COL19A1: variants seen among roughly 807,000 people sequenced by gnomAD.
COL19A1 encodes the protein collagen type XIX alpha 1 chain, also known as collagen alpha-1(XIX) chain.
A neutral mutation model predicts 190.2 loss-of-function variants in COL19A1; 159 were observed. The ratio of observed to expected loss-of-function variants is 0.84; its 90% CI spans 0.73 to 0.95. The LOEUF (loss-of-function observed/expected upper bound fraction) is 0.95, where lower values mean the gene tolerates loss of function less well. Among genes scored for constraint, COL19A1 ranks in the 40% least tolerant of loss-of-function variants. COL19A1 has a pLI of 0.00. For synonymous variants in COL19A1, 509 were observed against 458.9 expected (o/e 1.11, Z -1.39); for missense variants, 1,418 against 1,431.9 (o/e 0.99, Z 0.16).
chr6:69,874,759 T>TA (rs554360128), intron 1 of COL19A1, among the ~76,000 whole-genome samples: 182 of 145,776 alleles, frequency 1.2e-3, no homozygotes, highest in African/African-American at 2.6e-3. Flanking sequence ...TCAAAAAAAA[T>TA]AAAAAAAAAA....
chr6:69,951,341 CAG>C (rs1774113319), intron 9 of COL19A1, among the ~76,000 whole-genome samples: 3 of 151,844 alleles, frequency 2.0e-5, no homozygotes, highest in Admixed American at 2.0e-4. Context: ...ATAAAAGTGT[CAG>C]CACCTGGTAT....
intron 12 of COL19A1, among the ~76,000 whole-genome samples, chr6:70,025,690 T>C (rs765700123): frequency 2.0e-5 from 3 of 152,262 alleles, no homozygotes; most frequent in Non-Finnish European, 4.4e-5. Flanking sequence ...GCAAAGACCA[T>C]GTGTTGGAAT....
Position 70,146,831 on chromosome 6 carries a change from G to A in COL19A1, c.1835G>A (p.Gly612Asp). The A allele has an allele frequency of 6.3e-7, 1 of 1,598,542 alleles. No homozygotes were observed. The highest frequency in any genetic ancestry group is 1.1e-5 in the South Asian group (1 of 87,992). The change falls in exon 27 of 51, where the codon GGT becomes GAT. Residue 612 changes from glycine (G) to aspartate (D), a missense_variant. Physicochemically the swap from Gly to Asp is moderately conservative, Grantham distance 94. Coordinates refer to ENST00000620364, the MANE Select transcript of COL19A1 (RefSeq NM_001858.6). ...RGPKGERGLP[G>D]VHGSPGDIGP... is the part of the protein sequence containing the mutation. The stretch of plus-strand genomic sequence containing the variant: ...TCACAGGGTGAAAGAGGACTTCCAG[G>A]TGTTCACGGTTCCCCAGGGGACATA...
At chr6:70,141,789 C>A (rs1786267823) in intron 20 of COL19A1, 104 bp from the exon 21 acceptor site, 2 of 753,458 alleles carry the variant, frequency 2.7e-6, no homozygotes, top group Non-Finnish European at 4.4e-6. Flanking sequence ...CATAATTTCC[C>A]TTTTTATTGT....
chr6:69,994,118 G>C (rs1051749033), intron 11 of COL19A1, among the ~76,000 whole-genome samples: 1 of 151,848 alleles, frequency 6.6e-6, no homozygotes, highest in Non-Finnish European at 1.5e-5. Context: ...CTTTACAAAA[G>C]TAAATAACAT....
In COL19A1 at chr6:70,003,143, A is replaced by G. The variant is rs113801719; in HGVS notation, c.1027-20484A>G. Among the ~76,000 whole-genome samples the G allele has an allele frequency of 5.1e-3, 781 of 152,328 alleles. 10 individuals are homozygous for G. The highest frequency in any genetic ancestry group is 0.018 in the African/African-American group (736 of 41,576). On this transcript the variant is annotated intron_variant, in intron 11 of 50. Coordinates refer to ENST00000620364, the MANE Select transcript of COL19A1 (RefSeq NM_001858.6). Reference sequence around the variant, plus strand: ...TCTGCCTTAATTTCATTATTTACCCAGAAGTCATTCAGAGGAGGTTGTTCA... The same window carrying G: ...TCTGCCTTAATTTCATTATTTACCCGGAAGTCATTCAGAGGAGGTTGTTCA...
chr6:70,168,622 T>C (rs1448468735), intron 39 of COL19A1, 33 bp from the exon 40 acceptor site: 3 of 1,609,958 alleles, frequency 1.9e-6, no homozygotes, highest in Middle Eastern at 1.6e-4. Flanking sequence ...TTGGTCATTA[T>C]TTGAAAAATG....
At chr6:69,946,189 A>G (rs1047941920) in intron 9 of COL19A1, among the ~76,000 whole-genome samples, 1 of 152,044 alleles carries the variant, frequency 6.6e-6, no homozygotes, top group African/African-American at 2.4e-5. Context: ...CATTTATCAT[A>G]TTAATTGAAG....
intron 27 of COL19A1, among the ~76,000 whole-genome samples, chr6:70,149,282 A>G (rs1376590695): frequency 6.6e-6 from 1 of 152,074 alleles, no homozygotes; most frequent in Non-Finnish European, 1.5e-5. Context: ...TTAGTGTTTT[A>G]CCTCCTACTC....
intron 9 of COL19A1, among the ~76,000 whole-genome samples, chr6:69,950,813 C>T (rs906524148): frequency 6.6e-6 from 1 of 151,590 alleles, no homozygotes; most frequent in African/African-American, 2.4e-5. Flanking sequence ...CCAAATATAA[C>T]ACTCAAATCA....
chr6:70,018,103 A>C (rs1778218588), intron 11 of COL19A1, among the ~76,000 whole-genome samples: 1 of 152,162 alleles, frequency 6.6e-6, no homozygotes, highest in South Asian at 2.1e-4. Flanking sequence ...AAAAGGCTGA[A>C]GATTCAGAAG....
chr6:70,054,952 G>A (rs968429787), intron 14 of COL19A1, among the ~76,000 whole-genome samples: 1 of 151,976 alleles, frequency 6.6e-6, no homozygotes, highest in Non-Finnish European at 1.5e-5. Context: ...CTCCTATATA[G>A]GGGAAAAAAT....
intron 11 of COL19A1, among the ~76,000 whole-genome samples, chr6:69,993,962 CT>C (rs1231686427): frequency 6.6e-6 from 1 of 151,388 alleles, no homozygotes; most frequent in Non-Finnish European, 1.5e-5. Flanking sequence ...TTTAGTTCAT[CT>C]CTTATTTTGG....
At chr6:69,966,994 G>A (rs1775150865) in intron 11 of COL19A1, among the ~76,000 whole-genome samples, 1 of 152,158 alleles carries the variant, frequency 6.6e-6, no homozygotes, top group Non-Finnish European at 1.5e-5. Flanking sequence ...TTCAAATCAT[G>A]TAATTTAGTT....
At position 70,021,760 on chromosome 6, in the gene COL19A1, G is replaced by A. The variant is rs555757488; in HGVS notation, c.1027-1867G>A. On this transcript the variant is annotated intron_variant, in intron 11 of 50. Coordinates refer to ENST00000620364, the MANE Select transcript of COL19A1 (RefSeq NM_001858.6). ...GGTTGAGCACTTGAAATGTAGCTAGGGCAACTGAACTGAGGAACTGAATTT... is the reference window on the plus strand; with the variant it reads ...GGTTGAGCACTTGAAATGTAGCTAGAGCAACTGAACTGAGGAACTGAATTT... Among the ~76,000 whole-genome samples the A allele has an allele frequency of 7.9e-5, 12 of 152,134 alleles. No homozygotes were observed. In the East Asian group the frequency reaches 2.3e-3, roughly 29 times the overall value.
intron 15 of COL19A1, among the ~76,000 whole-genome samples, chr6:70,082,703 G>A (rs982093724): frequency 1.4e-4 from 22 of 152,228 alleles, no homozygotes; most frequent in African/African-American, 3.9e-4. Flanking sequence ...GAGCCACCAC[G>A]CCCAGCCAAT....
At chr6:70,149,945 C>T (rs754963195) in intron 29 of COL19A1, 41 bp downstream of exon 29, 8 of 1,613,600 alleles carry the variant, frequency 5.0e-6, no homozygotes, top group Non-Finnish European at 6.8e-6. Flanking sequence ...TTTTAATCTG[C>T]ACCTGTGCCA....
intron 37 of COL19A1, among the ~76,000 whole-genome samples, chr6:70,166,721 T>C (rs997961170): frequency 1.3e-5 from 2 of 152,244 alleles, no homozygotes; most frequent in East Asian, 3.8e-4. Flanking sequence ...TCAGTCTGCG[T>C]GCAGTTGCAT....
At chr6:69,944,322 T>C (rs1773654535) in intron 9 of COL19A1, among the ~76,000 whole-genome samples, 1 of 152,128 alleles carries the variant, frequency 6.6e-6, no homozygotes, top group Admixed American at 6.6e-5. Flanking sequence ...TCTGTGAGCC[T>C]ATACATAGAA....
Sources: gnomAD v4.1 joint callset for allele counts (sites outside exome capture counted in the v4.1 genomes callset) on GRCh38, gnomAD v4.1.1 for gene constraint, MANE v1.5 for transcripts, NCBI Gene and HGNC (gene_info 2026-07-23, HGNC 2026-07-21) for gene names.